The following GTF3C2 variants were observed in gnomAD, a reference collection of about 807,000 sequenced individuals.
GTF3C2 encodes the protein general transcription factor 3C polypeptide 2.
Under a neutral mutation model 117.4 loss-of-function variants are expected in GTF3C2, and 17 were observed. The ratio of observed to expected loss-of-function variants is 0.14; its 90% CI spans 0.10 to 0.22. The LOEUF is 0.22. GTF3C2 is among the 10% of genes least tolerant of loss of function. The probability of loss-of-function intolerance (pLI) is 1.00; values close to 1 mark genes in which losing one functional copy is unlikely to be tolerated. For missense variants in GTF3C2, 888 were observed against 1,143.6 expected (o/e 0.78, Z 3.22); for synonymous variants, 437 against 427.0 (o/e 1.02, Z -0.29).
intron 1 of GTF3C2, among the ~76,000 whole-genome samples, chr2:27,347,106 C>T (rs569897691): frequency 6.6e-6 from 1 of 152,264 alleles, no homozygotes; most frequent in South Asian, 2.1e-4. Context: ...TAAGATAAAT[C>T]ACTGACCACC....
intron 15 of GTF3C2, 92 bp downstream of exon 15, chr2:27,328,752 T>C: frequency 9.0e-7 from 1 of 1,106,260 alleles, no homozygotes; most frequent in Non-Finnish European, 1.4e-6. Context: ...TATCTTCTCC[T>C]TCTACCCAAA....
intron 1 of GTF3C2, among the ~76,000 whole-genome samples, chr2:27,345,408 C>T (rs1026428086): frequency 6.6e-6 from 1 of 152,080 alleles, no homozygotes; most frequent in African/African-American, 2.4e-5. Context: ...GCCTGGCCAA[C>T]ATGGTGAAAC....
At chr2:27,327,306 G>C (rs1428058209) in intron 17 of GTF3C2, 22 bp from the exon 18 acceptor site, 1 of 1,279,174 alleles carries the variant, frequency 7.8e-7, no homozygotes, top group East Asian at 2.3e-5. Context: ...AAATGGAATA[G>C]GAGAGAGAAA....
In GTF3C2 at chr2:27,356,480, C is replaced by T. The variant is rs1681388786; in HGVS notation, c.-25+259G>A. The T allele has an allele frequency of 2.1e-5, 5 of 236,014 alleles. No homozygotes were observed. The South Asian group carries it at 2.7e-4, about 13-fold the overall frequency. 14.6% of individuals were successfully genotyped at this position (236,014 alleles called of 1,614,324 possible). On this transcript the variant is annotated intron_variant, in intron 1 of 18. Transcript: ENST00000264720. ...TGCAGCGCCTACGCCCGGACACAGGCTTCCGCGTTACCGACACCGCGTGGG... is the reference window on the plus strand; with the variant it reads ...TGCAGCGCCTACGCCCGGACACAGGTTTCCGCGTTACCGACACCGCGTGGG...
intron 16 of GTF3C2, 83 bp from the exon 17 acceptor site, chr2:27,328,272 T>C: frequency 8.4e-7 from 1 of 1,186,774 alleles, no homozygotes; most frequent in African/African-American, 1.5e-5. Flanking sequence ...CAGGAAAGGC[T>C]TAAAGATGGA....
chr2:27,355,949 A>G (rs1008454492), intron 1 of GTF3C2: 1 of 494,910 alleles, frequency 2.0e-6, no homozygotes, highest in Admixed American at 2.7e-5. Flanking sequence ...TAATGCATTT[A>G]AACTTTTTAA....
intron 10 of GTF3C2, 37 bp downstream of exon 10, chr2:27,335,561 A>T (rs1680435335): frequency 1.7e-6 from 2 of 1,173,844 alleles, no homozygotes; most frequent in African/African-American, 3.0e-5. Context: ...TGTGACCACC[A>T]CTACAGCAGC....
intron 4 of GTF3C2, 125 bp downstream of exon 4, chr2:27,341,820 CCTT>C: frequency 1.3e-6 from 1 of 752,592 alleles, no homozygotes; most frequent in Non-Finnish European, 2.2e-6. Flanking sequence ...GGAAATGGAC[CCTT>C]TTTTCTTTAA....
intron 7 of GTF3C2, chr2:27,336,773 T>A (rs1280152784): frequency 4.1e-6 from 1 of 245,268 alleles, no homozygotes; most frequent in Non-Finnish European, 7.9e-6. Flanking sequence ...CATACCCCAC[T>A]AATTTTTAAA....
intron 1 of GTF3C2, among the ~76,000 whole-genome samples, chr2:27,352,067 C>T (rs538515325): frequency 6.6e-6 from 1 of 152,308 alleles, no homozygotes; most frequent in South Asian, 2.1e-4. Flanking sequence ...TTTTATTCTC[C>T]AGCTGTATCA....
chr2:27,326,202 C>T (rs1680067605), exon 19 of GTF3C2: 1 of 471,982 alleles, frequency 2.1e-6, no homozygotes, highest in Non-Finnish European at 4.4e-6. Context: ...CCCTCGTGGG[C>T]ATACATGATG....
intron 1 of GTF3C2, among the ~76,000 whole-genome samples, chr2:27,349,280 T>TGGG (rs770648883): frequency 6.6e-6 from 1 of 151,496 alleles, no homozygotes; most frequent in Non-Finnish European, 1.5e-5. Context: ...CCCGAGTAGC[T>TGGG]GGGACTACAG....
chr2:27,354,940 CAATAA>C (rs1681277551), intron 1 of GTF3C2, among the ~76,000 whole-genome samples: 1 of 152,082 alleles, frequency 6.6e-6, no homozygotes, highest in African/African-American at 2.4e-5. Context: ...ATTAATTCAT[CAATAA>C]ATTATTTTTC....
chr2:27,343,883 C>A (rs1680830156), intron 1 of GTF3C2, among the ~76,000 whole-genome samples: 1 of 151,054 alleles, frequency 6.6e-6, no homozygotes, highest in African/African-American at 2.4e-5. Context: ...CCTTCTCTAG[C>A]AAAATAAAAT....
intron 1 of GTF3C2, among the ~76,000 whole-genome samples, chr2:27,344,569 C>T (rs1291203763): frequency 6.6e-6 from 1 of 152,098 alleles, no homozygotes; most frequent in Non-Finnish European, 1.5e-5. Context: ...ACACCAACTT[C>T]CTCAAAATAT....
intron 3 of GTF3C2, 65 bp downstream of exon 3, chr2:27,342,761 C>T: frequency 1.6e-6 from 2 of 1,223,874 alleles, no homozygotes; most frequent in East Asian, 2.3e-5. Flanking sequence ...CTCTCTCCAA[C>T]ATCTGCCCCA....
intron 1 of GTF3C2, among the ~76,000 whole-genome samples, chr2:27,346,075 G>C (rs910999522): frequency 6.9e-6 from 1 of 144,400 alleles, no homozygotes; most frequent in East Asian, 2.0e-4. Flanking sequence ...GACTGGAGTG[G>C]TGCAGTGGTG....
chr2:27,353,989 C>A (rs1681233286), intron 1 of GTF3C2, among the ~76,000 whole-genome samples: 1 of 148,364 alleles, frequency 6.7e-6, no homozygotes, highest in South Asian at 2.1e-4. Context: ...TTCCAAAGTG[C>A]TAGGATTACA....
intron 1 of GTF3C2, among the ~76,000 whole-genome samples, chr2:27,347,230 G>GC (rs745814594): frequency 2.6e-5 from 4 of 152,010 alleles, no homozygotes; most frequent in Non-Finnish European, 4.4e-5. Context: ...ATGGGACCCC[G>GC]CCCCCCACAG....
Sources: allele counts gnomAD v4.1 joint callset (sites outside exome capture counted in the v4.1 genomes callset), GRCh38; gene constraint gnomAD v4.1.1; transcripts MANE v1.5; gene names NCBI Gene and HGNC (gene_info 2026-07-23, HGNC 2026-07-21).